The following GK2 variants were observed in gnomAD, a reference collection of about 807,000 sequenced individuals.
GK2 encodes glycerol kinase 2.
In GK2, 10 loss-of-function variants were observed where a neutral mutation model predicts 9.5. The observed-to-expected ratio is 1.05, with a 90% CI of 0.65 to 1.78. The LOEUF (loss-of-function observed/expected upper bound fraction) is 1.78, where lower values mean the gene tolerates loss of function less well. Among genes scored for constraint, GK2 ranks in the 40% most tolerant of loss-of-function variants. The pLI is 0.00. For synonymous variants in GK2, 228 were observed against 229.9 expected, an observed-to-expected ratio of 0.99 and a Z score of 0.07; for missense variants, 643 against 669.0, an observed-to-expected ratio of 0.96 and a Z score of 0.43.
chr4:79,406,634 C>A lies in GK2; in HGVS notation c.1567G>T (p.Asp523Tyr). ...GGCAGACTAGAGAAGATAGAAGGAT[C>A]ACCACCTTCAGGAGACTGACTGGTA... ...WVTSQSPEGG[D>Y]PSIFSSLPLG... The change falls in exon 1 of 1, where the codon GAT becomes TAT. Residue 523 changes from aspartate to tyrosine, a missense_variant. Transcript: ENST00000358842. The A allele has an allele frequency of 6.2e-7, 1 of 1,613,548 alleles. No individual in the cohort carries two copies.
chr4:79,407,604 T>TA lies in GK2; in HGVS notation c.596dup (p.Thr200AsnfsTer5). 1 of 1,613,778 alleles carries TA rather than the reference T, an allele frequency of 6.2e-7. No homozygotes were observed. The highest frequency in any genetic ancestry group is 8.5e-7 in the Non-Finnish European group (1 of 1,179,656). On this transcript the variant is annotated frameshift_variant, in exon 1 of 1. Coordinates refer to ENST00000358842, the MANE Select transcript of GK2 (RefSeq NM_033214.3). LOFTEE classifies it high-confidence loss of function. Reference sequence around the variant, plus strand: ...AAAGCATTGTCCTACTTGCATTTGTTACATCTGTACAATGCACGCCTCCAT... The same window carrying TA: ...AAAGCATTGTCCTACTTGCATTTGTTAACATCTGTACAATGCACGCCTCCAT...
Position 79,407,862 on chromosome 4 carries a change from C to T in GK2, c.339G>A (p.Val113=). ...LTGEPLYNAV[V]WLDLRTQTTV... ...TAGTCTGGGTTCTTAGATCAAGCCA[C>T]ACCACAGCATTGTAGAGAGGCTCTC... is the stretch of plus-strand genomic sequence containing the variant. The change falls in exon 1 of 1, where the codon GTG becomes GTA. Residue 113 remains valine, a synonymous_variant. Transcript: ENST00000358842. 1 of 1,614,174 alleles carries T rather than the reference C, an allele frequency of 6.2e-7. No homozygotes were observed. The highest frequency in any genetic ancestry group is 8.5e-7 in the Non-Finnish European group (1 of 1,180,004).
chr4:79,406,538 A>C lies in GK2; in HGVS notation c.*1T>G, dbSNP rs144143489. 1,176 of 1,578,564 alleles carry C rather than the reference A, an allele frequency of 7.4e-4. 8 individuals carry two copies. The African/African-American group carries it at 0.014, about 19-fold the overall frequency. On this transcript the variant is annotated 3_prime_UTR_variant, in exon 1 of 1. Transcript: ENST00000358842. Reference sequence around the variant, plus strand: ...ATCTTGGGACTCCATAGCTGGTATTATTATGGCACACCCGAGATATATCTT... The same window carrying C: ...ATCTTGGGACTCCATAGCTGGTATTCTTATGGCACACCCGAGATATATCTT...
Position 79,406,930 on chromosome 4 carries a change from A to G in GK2, c.1271T>C (p.Val424Ala). The change falls in exon 1 of 1, where the codon GTA becomes GCA. Residue 424 changes from valine to alanine, a missense_variant. By Grantham distance (64) the Val-to-Ala change is moderately conservative (BLOSUM62 0). Transcript: ENST00000358842. ...TTTGTTGTTGGTCATTCCTCCATCT[A>G]CCTGCAAATGACGAAGTGGAATTCC... Reference protein sequence around the residue: ...DCGIPLRHLQVDGGMTNNKVL... With the variant: ...DCGIPLRHLQADGGMTNNKVL... The G allele has an allele frequency of 1.9e-6, 3 of 1,614,170 alleles. No homozygotes were observed. Among genetic ancestry groups the G allele is most frequent in the Admixed American group, 3.3e-5 (2 of 60,020 alleles).
rs528859401 is a variant in GK2, at chr4:79,408,015, C to T, written c.186G>A (p.Gln62=). Residue 62 remains glutamine (Q), a synonymous_variant, in exon 1 of 1, where the codon CAG becomes CAA. Transcript: ENST00000358842. ...WVEQDPKEIL[Q]SVYECIARTC... ...TTCTCGCTATACACTCGTAGACAGA[C>T]TGAAGAATTTCTTTAGGGTCTTGTT... 24 of 1,614,126 alleles carry T rather than the reference C, an allele frequency of 1.5e-5. No homozygotes were observed. In the South Asian group the frequency reaches 2.5e-4, roughly 17 times the overall value.
rs1299596551 is a variant in GK2 at position 79,406,792 on chromosome 4, C to T, written c.1409G>A (p.Ser470Asn). ...AGCCTGGGGTTCAAGGCTCCAAACG[C>T]TTACTCCCTCTGCAGCCCCTGCTGC... Reference protein sequence around the residue: ...AMAAGAAEGVSVWSLEPQALS... With the variant: ...AMAAGAAEGVNVWSLEPQALS... Residue 470 changes from serine to asparagine, a missense_variant, in exon 1 of 1, where the codon AGC becomes AAC. Ser to Asn is a conservative substitution (Grantham distance 46, BLOSUM62 1). Transcript: ENST00000358842. 1.2e-6 allele frequency: 2 copies of T among 1,614,212 alleles called. No individual in the cohort carries two copies. The highest frequency in any genetic ancestry group is 1.7e-6 in the Non-Finnish European group (2 of 1,180,028).
Position 79,406,471 on chromosome 4 carries a change from G to C in GK2, c.*68C>G, listed in dbSNP as rs908473635. The C allele has an allele frequency of 8.3e-5, 75 of 907,876 alleles. No individual in the cohort carries two copies. The highest frequency in any genetic ancestry group is 1.2e-4 in the Non-Finnish European group (68 of 579,304). 56.2% of individuals were successfully genotyped at this position (907,876 alleles called of 1,614,324 possible). A position where few individuals can be genotyped will look rare whatever the true frequency, so the allele number is the denominator to read the frequency against. The stretch of plus-strand genomic sequence containing the variant: ...GTCTATAATAGTGTCATTATATTAA[G>C]AGGCAGAACTGCTATATGCTTTCAT... On this transcript the variant is annotated 3_prime_UTR_variant, in exon 1 of 1. Coordinates refer to ENST00000358842, the MANE Select transcript of GK2 (RefSeq NM_033214.3).
At position 79,406,440 on chromosome 4, in the gene GK2, A is replaced by C. The variant is rs1341301783; in HGVS notation, c.*99T>G. The C allele has an allele frequency of 4.1e-6, 3 of 724,200 alleles. No homozygotes were observed. Among genetic ancestry groups the C allele is most frequent in the Non-Finnish European group, 6.9e-6 (3 of 435,128 alleles). 44.9% of individuals were successfully genotyped at this position (724,200 alleles called of 1,614,324 possible). On this transcript the variant is annotated 3_prime_UTR_variant, in exon 1 of 1. Coordinates refer to ENST00000358842, the MANE Select transcript of GK2 (RefSeq NM_033214.3). The stretch of plus-strand genomic sequence containing the variant: ...ATGTAGCAAGTGGTTTATAAACAAA[A>C]TCAGAGTCTATAATAGTGTCATTAT...
rs1233230621 is a variant in GK2 at position 79,406,992 on chromosome 4, T to C, written c.1209A>G (p.Gln403=). 9 of 1,614,118 alleles carry C rather than the reference T, an allele frequency of 5.6e-6. No homozygotes were observed. The highest frequency in any genetic ancestry group is 7.6e-6 in the Non-Finnish European group (9 of 1,180,054). Residue 403 remains glutamine, a synonymous_variant, in exon 1 of 1, where the codon CAA becomes CAG. Coordinates refer to ENST00000358842, the MANE Select transcript of GK2 (RefSeq NM_033214.3). ...TCATGGCTTCCAAAATCTCTCGGGT[T>C]TGGAAACAAACAGCTTCTAATGCAG... The part of the protein sequence containing the change: ...AFAALEAVCF[Q]TREILEAMNR...
At position 79,408,137 on chromosome 4, in the gene GK2, A is replaced by T; in HGVS notation, c.64T>A (p.Ser22Thr). 2 of 1,613,462 alleles carry T rather than the reference A, an allele frequency of 1.2e-6. No individual in the cohort carries two copies. Among genetic ancestry groups the T allele is most frequent in the Middle Eastern group, 3.3e-4 (2 of 6,058 alleles). ...GAATTGAAAACCAGAAAGCGAGTGG[A>T]GTTGGTGCCCTGGACCACCGCTCCC... ...LVGAVVQGTNSTRFLVFNSKT... is the reference protein window; with the variant it reads ...LVGAVVQGTNTTRFLVFNSKT... Residue 22 changes from serine to threonine, a missense_variant, in exon 1 of 1, where the codon TCC (serine) becomes ACC (threonine). Physicochemically the swap from Ser to Thr is moderately conservative, Grantham distance 58 (BLOSUM62 1). Transcript: ENST00000358842.
In GK2 at chr4:79,406,495, A is replaced by G. The variant is rs189734448; in HGVS notation, c.*44T>C. ...AGAGGCAGAACTGCTATATGCTTTC[A>G]TTATGTAAAATGTTTACATCTTGGG... On this transcript the variant is annotated 3_prime_UTR_variant, in exon 1 of 1. Coordinates refer to ENST00000358842, the MANE Select transcript of GK2 (RefSeq NM_033214.3). 2.0e-5 allele frequency: 23 copies of G among 1,168,312 alleles called. No homozygotes were observed. The highest frequency in any genetic ancestry group is 1.9e-4 in the East Asian group (8 of 42,692). The allele number at this position is 1,168,312 out of a possible 1,614,324, so 72.4% of individuals were successfully genotyped here.
chr4:79,407,434 C>A lies in GK2; in HGVS notation c.767G>T (p.Cys256Phe), dbSNP rs1466623466. The change falls in exon 1 of 1, where the codon TGT (cysteine) becomes TTT (phenylalanine). Residue 256 changes from cysteine (C) to phenylalanine (F), a missense_variant. By Grantham distance (205) the Cys-to-Phe change is radical. Coordinates refer to ENST00000358842, the MANE Select transcript of GK2 (RefSeq NM_033214.3). ...GALEGVPISG[C>F]LGDQCAALVG... is the part of the protein sequence containing the mutation. Reference sequence around the variant, plus strand: ...TAATGCAGCACATTGGTCCCCCAAACACCCAGATATTGGCACACCTTCCAG... The same window carrying A: ...TAATGCAGCACATTGGTCCCCCAAAAACCCAGATATTGGCACACCTTCCAG... 5 of 1,614,060 alleles carry A rather than the reference C, an allele frequency of 3.1e-6. No individual in the cohort carries two copies. Among genetic ancestry groups the A allele is most frequent in the Admixed American group, 1.7e-5 (1 of 60,010 alleles).
At position 79,407,426 on chromosome 4, in the gene GK2, C is replaced by T. The variant is rs776385662; in HGVS notation, c.775G>A (p.Asp259Asn). ...EGVPISGCLGDQCAALVGQMC... is the reference protein window; with the variant it reads ...EGVPISGCLGNQCAALVGQMC... The stretch of plus-strand genomic sequence containing the variant: ...TGTCCTACTAATGCAGCACATTGGT[C>T]CCCCAAACACCCAGATATTGGCACA... Residue 259 changes from aspartate (D) to asparagine (N), a missense_variant, in exon 1 of 1, where the codon GAC becomes AAC. Asp to Asn is a conservative substitution (Grantham distance 23). Transcript: ENST00000358842. The T allele has an allele frequency of 2.5e-5, 40 of 1,613,986 alleles. No individual in the cohort carries two copies. In the South Asian group the frequency reaches 4.1e-4, roughly 16 times the overall value.
Position 79,406,652 on chromosome 4 carries a change from G to A in GK2, c.1549C>T (p.Gln517Ter), listed in dbSNP as rs1725856681. ...GAAGGATCACCACCTTCAGGAGACT[G>A]ACTGGTAACCCAACCCATTGACTTC... Reference protein sequence around the residue: ...VMKSMGWVTSQSPEGGDPSIF... With the variant: ...VMKSMGWVTS The change falls in exon 1 of 1, where the codon CAG becomes TAG. Residue 517 changes from glutamine (Q) to a stop codon, truncating the protein, a stop_gained. Transcript: ENST00000358842. LOFTEE classifies it low-confidence loss of function (END_TRUNC). 1 of 1,613,616 alleles carries A rather than the reference G, an allele frequency of 6.2e-7. No individual in the cohort carries two copies. Among genetic ancestry groups the A allele is most frequent in the Non-Finnish European group, 8.5e-7 (1 of 1,179,620 alleles).
chr4:79,406,805 C>T lies in GK2; in HGVS notation c.1396G>A (p.Ala466Thr). The T allele has an allele frequency of 1.2e-6, 2 of 1,614,242 alleles. No individual in the cohort carries two copies. Among genetic ancestry groups the T allele is most frequent in the Non-Finnish European group, 1.7e-6 (2 of 1,180,032 alleles). The change falls in exon 1 of 1, where the codon GCA becomes ACA. Residue 466 changes from alanine (A) to threonine (T), a missense_variant. By Grantham distance (58) the Ala-to-Thr change is moderately conservative. Coordinates refer to ENST00000358842, the MANE Select transcript of GK2 (RefSeq NM_033214.3). ...AGGCTCCAAACGCTTACTCCCTCTG[C>T]AGCCCCTGCTGCCATGGCAGCTCCT... ...ALGAAMAAGA[A>T]EGVSVWSLEP...
Position 79,407,023 on chromosome 4 carries a change from G to A in GK2, c.1178C>T (p.Ala393Val). 6.2e-7 allele frequency: 1 copy of A among 1,614,160 alleles called. No individual in the cohort carries two copies. Among genetic ancestry groups the A allele is most frequent in the Non-Finnish European group, 8.5e-7 (1 of 1,180,012 alleles). The part of the protein sequence containing the change: ...LTQFTNKCHI[A>V]FAALEAVCFQ... The stretch of plus-strand genomic sequence containing the variant: ...ACAAACAGCTTCTAATGCAGCAAAA[G>A]CAATATGACATTTATTGGTAAACTG... Residue 393 changes from alanine (A) to valine (V), a missense_variant, in exon 1 of 1, where the codon GCT becomes GTT. Ala to Val is a moderately conservative substitution (Grantham distance 64). Transcript: ENST00000358842.
At position 79,406,601 on chromosome 4, in the gene GK2, A is replaced by C. The variant is rs756369279; in HGVS notation, c.1600T>G (p.Phe534Val). 8.0e-5 allele frequency: 129 copies of C among 1,613,966 alleles called. No individual in the cohort carries two copies. The highest frequency in any genetic ancestry group is 1.1e-4 in the Non-Finnish European group (128 of 1,179,944). Residue 534 changes from phenylalanine to valine, a missense_variant, in exon 1 of 1, where the codon TTT becomes GTT. Physicochemically the swap from Phe to Val is conservative, Grantham distance 50. Transcript: ENST00000358842. ...PSIFSSLPLG[F>V]FIVSSMVMLI... ...ATTACCATGCTACTCACTATAAAAA[A>C]TCCCAAAGGCAGACTAGAGAAGATA...
In GK2 at chr4:79,406,921, C is replaced by T. The variant is rs1560525743; in HGVS notation, c.1280G>A (p.Gly427Glu). Residue 427 changes from glycine to glutamate, a missense_variant, in exon 1 of 1, where the codon GGA becomes GAA. Transcript: ENST00000358842. ...IPLRHLQVDG[G>E]MTNNKVLMQL... ...CATAAGAACTTTGTTGTTGGTCATTCCTCCATCTACCTGCAAATGACGAAG... is the reference window on the plus strand; with the variant it reads ...CATAAGAACTTTGTTGTTGGTCATTTCTCCATCTACCTGCAAATGACGAAG... 1 of 1,614,188 alleles carries T rather than the reference C, an allele frequency of 6.2e-7. No homozygotes were observed. The highest frequency in any genetic ancestry group is 1.3e-5 in the African/African-American group (1 of 75,052).
At position 79,407,003 on chromosome 4, in the gene GK2, C is replaced by G; in HGVS notation, c.1198G>C (p.Val400Leu). The G allele has an allele frequency of 6.2e-7, 1 of 1,614,206 alleles. No individual in the cohort carries two copies. The highest frequency in any genetic ancestry group is 1.1e-5 in the South Asian group (1 of 91,072). The part of the protein sequence containing the change: ...CHIAFAALEA[V>L]CFQTREILEA... Reference sequence around the variant, plus strand: ...AAAATCTCTCGGGTTTGGAAACAAACAGCTTCTAATGCAGCAAAAGCAATA... The same window carrying G: ...AAAATCTCTCGGGTTTGGAAACAAAGAGCTTCTAATGCAGCAAAAGCAATA... Residue 400 changes from valine to leucine, a missense_variant, in exon 1 of 1, where the codon GTT becomes CTT. By Grantham distance (32) the Val-to-Leu change is conservative. Coordinates refer to ENST00000358842, the MANE Select transcript of GK2 (RefSeq NM_033214.3).
Sources: allele counts gnomAD v4.1 joint callset, GRCh38; gene constraint gnomAD v4.1.1; transcripts MANE v1.5; gene names NCBI Gene and HGNC (gene_info 2026-07-23, HGNC 2026-07-21).